The following ERC1 variants were observed in gnomAD, a reference collection of about 807,000 sequenced individuals.
The protein encoded by ERC1 is RAB6 interacting protein 2.
Under a neutral mutation model 132.0 loss-of-function variants are expected in ERC1, and 56 were observed. That is an observed-to-expected ratio of 0.42 (90% confidence interval 0.34 to 0.53). The LOEUF (loss-of-function observed/expected upper bound fraction) is 0.53, where lower values mean the gene tolerates loss of function less well. ERC1 is among the 20% of genes least tolerant of loss of function. ERC1 has a pLI of 0.03. For missense variants in ERC1, 1,202 were observed against 1,349.9 expected (o/e 0.89, Z 1.72); for synonymous variants, 478 against 476.1 (o/e 1.00, Z -0.05).
At chr12:1,175,724 A>C (rs75455648) in intron 8 of ERC1, among the ~76,000 whole-genome samples, 33,899 of 151,900 alleles carry the variant, frequency 0.22, 4,425 homozygotes, top group Non-Finnish European at 0.3. Context: ...CAGTAGAGAC[A>C]GCGTTTCTCC....
At position 1,066,276 on chromosome 12, in the gene ERC1, C is replaced by G. The variant is rs186176336; in HGVS notation, c.670-16888C>G. Reference sequence around the variant, plus strand: ...TAATTGCCCTGTGTTGAGGATTTACCGGGAGCTGGAGCCTTCACATATATT... The same window carrying G: ...TAATTGCCCTGTGTTGAGGATTTACGGGGAGCTGGAGCCTTCACATATATT... On this transcript the variant is annotated intron_variant, in intron 2 of 18. Coordinates refer to ENST00000360905, the MANE Select transcript of ERC1 (RefSeq NM_178040.4). Among the ~76,000 whole-genome samples, 4 of 152,268 alleles carry G rather than the reference C, an allele frequency of 2.6e-5. No homozygotes were observed. In the South Asian group the frequency reaches 8.3e-4, roughly 32 times the overall value.
At chr12:1,353,786 C>T (rs1172671712) in intron 15 of ERC1, among the ~76,000 whole-genome samples, 1 of 152,206 alleles carries the variant, frequency 6.6e-6, no homozygotes, top group Non-Finnish European at 1.5e-5. Flanking sequence ...GTTTACTGCT[C>T]AGCCCATTGC....
At chr12:1,245,971 A>C (rs1017358450) in intron 13 of ERC1, among the ~76,000 whole-genome samples, 1 of 151,962 alleles carries the variant, frequency 6.6e-6, no homozygotes, top group African/African-American at 2.4e-5. Flanking sequence ...AGTCTTAACT[A>C]TGTTGCCCAG....
rs200878914 is a variant in ERC1, at chr12:1,298,553, A to C, written c.2780+8541A>C. Among the ~76,000 whole-genome samples, 1,196 of 146,810 alleles carry C rather than the reference A, an allele frequency of 8.1e-3. 24 individuals are homozygous for C. Among genetic ancestry groups the C allele is most frequent in the East Asian group, 0.023 (118 of 5,158 alleles). On this transcript the variant is annotated intron_variant, in intron 15 of 18. Transcript: ENST00000360905. ...ACGAGACTCTGTCACAAAAAAAAAA[A>C]AAACAAACAAACAAAGAAAAAGCAC...
At position 1,083,168 on chromosome 12, in the gene ERC1, T is replaced by A; in HGVS notation, c.674T>A (p.Met225Lys). The A allele has an allele frequency of 6.2e-7, 1 of 1,611,476 alleles. No homozygotes were observed. The highest frequency in any genetic ancestry group is 8.5e-7 in the Non-Finnish European group (1 of 1,179,106). The change falls in exon 3 of 19, where the codon ATG becomes AAG. Residue 225 changes from methionine (M) to lysine (K), a missense_variant. Physicochemically the swap from Met to Lys is moderately conservative, Grantham distance 95 (BLOSUM62 -1). Coordinates refer to ENST00000360905, the MANE Select transcript of ERC1 (RefSeq NM_178040.4). ...TTCTTTTTGTCTTGGTTCTAGCACA[T>A]GCAGATGACAATCCAGGCTCTCCAG... is the stretch of plus-strand genomic sequence containing the variant. The part of the protein sequence containing the change: ...YRVVQEENQH[M>K]QMTIQALQDE...
At chr12:1,378,160 G>C (rs890260328) in intron 16 of ERC1, among the ~76,000 whole-genome samples, 2 of 152,134 alleles carry the variant, frequency 1.3e-5, no homozygotes, top group African/African-American at 4.8e-5. Flanking sequence ...GGAAGAACTG[G>C]CTTAACATTG....
intron 2 of ERC1, among the ~76,000 whole-genome samples, chr12:1,036,669 C>T (rs538804023): frequency 9.8e-5 from 15 of 152,296 alleles, no homozygotes; most frequent in Non-Finnish European, 2.1e-4. Context: ...AGCCACTGCT[C>T]CTGGCCTTAA....
intron 14 of ERC1, among the ~76,000 whole-genome samples, chr12:1,282,997 T>C (rs1021420385): frequency 2.0e-5 from 3 of 152,208 alleles, no homozygotes; most frequent in Non-Finnish European, 2.9e-5. Flanking sequence ...GTTTTTCTCC[T>C]GGTTGTGGAA....
intron 3 of ERC1, among the ~76,000 whole-genome samples, chr12:1,098,782 C>T (rs1944344737): frequency 6.6e-6 from 1 of 152,188 alleles, no homozygotes; most frequent in Non-Finnish European, 1.5e-5. Flanking sequence ...AGAAATTCAT[C>T]AGCATTTCCG....
intron 1 of ERC1, among the ~76,000 whole-genome samples, chr12:1,017,921 C>G (rs1965778501): frequency 6.6e-6 from 1 of 152,110 alleles, no homozygotes; most frequent in Non-Finnish European, 1.5e-5. Flanking sequence ...GTATTGAGAA[C>G]CCATTTGTCC....
intron 17 of ERC1, among the ~76,000 whole-genome samples, chr12:1,413,502 A>G (rs917813271): frequency 6.6e-6 from 1 of 152,070 alleles, no homozygotes; most frequent in African/African-American, 2.4e-5. Flanking sequence ...GCTGAGGCAC[A>G]AGAATCACTT....
chr12:1,281,124 A>G (rs2078648537), intron 14 of ERC1, among the ~76,000 whole-genome samples: 1 of 152,118 alleles, frequency 6.6e-6, no homozygotes, highest in African/African-American at 2.4e-5. Context: ...TTTTACTCAC[A>G]TTATTTCATT....
intron 12 of ERC1, among the ~76,000 whole-genome samples, chr12:1,225,275 A>G (rs1214553767): frequency 2.6e-5 from 4 of 151,992 alleles, no homozygotes; most frequent in Non-Finnish European, 5.9e-5. Context: ...CCTGGGCAAC[A>G]TAGCAAGGTG....
At chr12:1,446,067 G>A (rs567808952) in intron 18 of ERC1, among the ~76,000 whole-genome samples, 44 of 152,212 alleles carry the variant, frequency 2.9e-4, no homozygotes, top group Admixed American at 2.5e-3. Context: ...TGGGGGTTGG[G>A]ATTTCACCAT....
At chr12:1,148,303 T>G (rs1950553482) in intron 8 of ERC1, among the ~76,000 whole-genome samples, 1 of 152,114 alleles carries the variant, frequency 6.6e-6, no homozygotes, top group Non-Finnish European at 1.5e-5. Context: ...CTAGGGAGGC[T>G]TTGGGAATCT....
intron 14 of ERC1, among the ~76,000 whole-genome samples, chr12:1,280,460 T>G (rs1171354265): frequency 6.6e-6 from 1 of 152,232 alleles, no homozygotes; most frequent in Non-Finnish European, 1.5e-5. Context: ...TTAAAATTAA[T>G]GTAAAGTGCT....
intron 17 of ERC1, among the ~76,000 whole-genome samples, chr12:1,409,921 C>T (rs1431384872): frequency 6.6e-6 from 1 of 152,032 alleles, no homozygotes; most frequent in African/African-American, 2.4e-5. Context: ...GTTGGCCAGG[C>T]TGGTCTCAAA....
At position 1,440,237 on chromosome 12, in the gene ERC1, C is replaced by CT. The variant is rs1491329772; in HGVS notation, c.3025-4324dup. On this transcript the variant is annotated intron_variant, in intron 17 of 18. Transcript: ENST00000360905. ...TTTTTTTCCTTGAGACAGAGTCTTG[C>CT]TCTGTCGCCCAGGCTGGAGTGCAGT... Among the ~76,000 whole-genome samples, 12 of 127,754 alleles carry CT rather than the reference C, an allele frequency of 9.4e-5. No individual in the cohort carries two copies. The East Asian group carries it at 2.4e-3, about 26-fold the overall frequency. 83.8% of individuals were successfully genotyped at this position (127,754 alleles called of 152,430 possible). A position where few individuals can be genotyped will look rare whatever the true frequency, so the allele number is the denominator to read the frequency against.
At chr12:1,389,015 G>A (rs1047144554) in intron 16 of ERC1, among the ~76,000 whole-genome samples, 1 of 152,122 alleles carries the variant, frequency 6.6e-6, no homozygotes, top group Non-Finnish European at 1.5e-5. Flanking sequence ...AGGCCTTCTT[G>A]GTCACTGTGG....
Sources: allele counts gnomAD v4.1 joint callset (sites outside exome capture counted in the v4.1 genomes callset), GRCh38; gene constraint gnomAD v4.1.1; transcripts MANE v1.5; gene names NCBI Gene and HGNC (gene_info 2026-07-23, HGNC 2026-07-21).